SCFD2: variants seen among roughly 807,000 people sequenced by gnomAD.
SCFD2 encodes the protein sec1 family domain-containing protein 2.
SCFD2 carries 54 observed loss-of-function variants against 58.9 expected under a neutral mutation model. The observed-to-expected ratio is 0.92, with a 90% CI of 0.74 to 1.15. SCFD2 has a LOEUF of 1.15. SCFD2 is among the 50% of genes most tolerant of loss of function. The pLI is 0.00. For missense variants in SCFD2, 805 were observed against 836.6 expected, an observed-to-expected ratio of 0.96 and a Z score of 0.47; for synonymous variants, 321 against 335.9, an observed-to-expected ratio of 0.96 and a Z score of 0.49.
intron 4 of SCFD2, among the ~76,000 whole-genome samples, chr4:53,255,935 A>T (rs1378621688): frequency 1.4e-5 from 2 of 142,796 alleles, no homozygotes; most frequent in African/African-American, 5.3e-5. Context: ...GGCGCCCCTC[A>T]CCTCCCGGAT....
At chr4:53,011,083 T>C (rs1722083402) in intron 5 of SCFD2, among the ~76,000 whole-genome samples, 1 of 152,196 alleles carries the variant, frequency 6.6e-6, no homozygotes. Flanking sequence ...CATTTGGACT[T>C]TATTTTCCCC....
chr4:53,012,638 C>T (rs1206139430), intron 5 of SCFD2, among the ~76,000 whole-genome samples: 2 of 152,110 alleles, frequency 1.3e-5, no homozygotes, highest in Admixed American at 1.3e-4. Context: ...CCTTTCTCTA[C>T]CCCATTTCAT....
chr4:53,261,263 C>T (rs888783533), intron 4 of SCFD2, among the ~76,000 whole-genome samples: 1 of 151,916 alleles, frequency 6.6e-6, no homozygotes, highest in East Asian at 1.9e-4. Context: ...TATGTCTTTT[C>T]TTCTGCTGGG....
intron 5 of SCFD2, among the ~76,000 whole-genome samples, chr4:52,996,164 T>G (rs546382974): frequency 6.6e-6 from 1 of 152,202 alleles, no homozygotes; most frequent in African/African-American, 2.4e-5. Flanking sequence ...CCTGAGTCAG[T>G]CAGGGACCAG....
chr4:53,103,768 T>TAAAA (rs35959095), intron 5 of SCFD2, among the ~76,000 whole-genome samples: 7 of 34,004 alleles, frequency 2.1e-4, no homozygotes, highest in Admixed American at 4.9e-4. Context: ...AGTAAGGAAG[T>TAAAA]AAAAAAAAAA....
At chr4:53,183,161 G>A (rs953159712) in intron 4 of SCFD2, among the ~76,000 whole-genome samples, 15 of 152,150 alleles carry the variant, frequency 9.9e-5, no homozygotes, top group South Asian at 8.3e-4. Flanking sequence ...GGTATATACC[G>A]AAAGGATTAT....
chr4:53,032,554 T>G (rs1252332080), intron 5 of SCFD2, among the ~76,000 whole-genome samples: 1 of 152,166 alleles, frequency 6.6e-6, no homozygotes, highest in African/African-American at 2.4e-5. Context: ...CCATCTCACC[T>G]GCAAAGACAC....
chr4:53,250,196 G>A (rs561021106), intron 4 of SCFD2, among the ~76,000 whole-genome samples: 8 of 152,268 alleles, frequency 5.3e-5, no homozygotes, highest in African/African-American at 1.9e-4. Context: ...GATCAAAAGA[G>A]ACAAAGAAGG....
At chr4:52,880,387 C>A (rs995107417) in intron 8 of SCFD2, among the ~76,000 whole-genome samples, 1 of 151,084 alleles carries the variant, frequency 6.6e-6, no homozygotes, top group African/African-American at 2.4e-5. Flanking sequence ...GAGGGCAAGG[C>A]GGGTGGATCA....
chr4:53,056,551 TTCAA>T (rs1343500226), intron 5 of SCFD2, among the ~76,000 whole-genome samples: 3 of 152,158 alleles, frequency 2.0e-5, no homozygotes, highest in African/African-American at 7.2e-5. Context: ...CCAAGTATTG[TTCAA>T]TCAGATTACA....
At chr4:53,180,349 A>T (rs1420656287) in intron 4 of SCFD2, among the ~76,000 whole-genome samples, 3 of 152,300 alleles carry the variant, frequency 2.0e-5, no homozygotes, top group South Asian at 2.1e-4. Flanking sequence ...TAAGAAACTC[A>T]CTCAAAACCG....
intron 5 of SCFD2, chr4:52,948,429 C>A: frequency 6.7e-6 from 3 of 445,292 alleles, no homozygotes; most frequent in South Asian, 1.6e-5. Flanking sequence ...TGGACAGATT[C>A]TTGAACTCTC....
At chr4:53,164,788 C>CAAAAAAAAAA (rs767167356) in intron 4 of SCFD2, among the ~76,000 whole-genome samples, 1 of 97,654 alleles carries the variant, frequency 1.0e-5, no homozygotes, top group Non-Finnish European at 2.0e-5. Context: ...TCTGGAGTCT[C>CAAAAAAAAAA]AAAAAAAAAA....
At chr4:53,330,268 A>C (rs1560450309) in intron 2 of SCFD2, among the ~76,000 whole-genome samples, 1 of 152,160 alleles carries the variant, frequency 6.6e-6, no homozygotes, top group East Asian at 1.9e-4. Context: ...CTCCTCAAGA[A>C]GAGCAACTCC....
intron 1 of SCFD2, among the ~76,000 whole-genome samples, chr4:53,355,093 T>G (rs1734362892): frequency 6.6e-6 from 1 of 152,240 alleles, no homozygotes; most frequent in African/African-American, 2.4e-5. Context: ...TCATAAGGCA[T>G]GTAACATCTT....
In SCFD2 at chr4:52,986,490, A is replaced by AT. The variant is rs1721496907; in HGVS notation, c.1562-65621_1562-65620insA. Among the ~76,000 whole-genome samples, 516 of 128,848 alleles carry AT rather than the reference A, an allele frequency of 4.0e-3. 2 individuals are homozygous for AT. The highest frequency in any genetic ancestry group is 0.015 in the African/African-American group (491 of 33,362). 84.5% of individuals were successfully genotyped at this position (128,848 alleles called of 152,430 possible). On this transcript the variant is annotated intron_variant, in intron 5 of 8. Transcript: ENST00000401642. ...CATCTCAAGCTTAGGATCTTCATGA[A>AT]ATTTTTTTTTTTTTTTTTTTTTTTT...
rs186672868 is a variant in SCFD2, at chr4:53,250,960, G to C, written c.1311+22866C>G. On this transcript the variant is annotated intron_variant, in intron 4 of 8. Coordinates refer to ENST00000401642, the MANE Select transcript of SCFD2 (RefSeq NM_152540.4). ...AAAAAATCAATAAATCCAGGAGCTG[G>C]TTTTTTGAAAAGATCAACAAACTTG... is the stretch of plus-strand genomic sequence containing the variant. Among the ~76,000 whole-genome samples, 325 of 152,222 alleles carry C rather than the reference G, an allele frequency of 2.1e-3. 1 individual carries two copies. The highest frequency in any genetic ancestry group is 3.4e-3 in the Middle Eastern group (1 of 294).
At chr4:53,330,754 G>A (rs535955342) in intron 2 of SCFD2, among the ~76,000 whole-genome samples, 69 of 151,780 alleles carry the variant, frequency 4.5e-4, no homozygotes, top group Admixed American at 2.5e-3. Flanking sequence ...AATATTAACC[G>A]TAAATGTAAA....
At chr4:53,178,700 C>T (rs931402699) in intron 4 of SCFD2, among the ~76,000 whole-genome samples, 1 of 152,106 alleles carries the variant, frequency 6.6e-6, no homozygotes, top group Non-Finnish European at 1.5e-5. Flanking sequence ...CAAACTACTC[C>T]GAGCTACAGG....
Sources: allele counts gnomAD v4.1 joint callset (sites outside exome capture counted in the v4.1 genomes callset), GRCh38; gene constraint gnomAD v4.1.1; transcripts MANE v1.5; gene names NCBI Gene and HGNC (gene_info 2026-07-23, HGNC 2026-07-21).